Variants in VAMP7 observed in about 807,000 individuals in gnomAD.
The protein encoded by VAMP7 is vesicle associated membrane protein 7.
VAMP7 carries 14 observed loss-of-function variants against 29.6 expected under a neutral mutation model. The ratio of observed to expected loss-of-function variants is 0.47; its 90% confidence interval spans 0.31 to 0.74. The LOEUF is 0.74. Among genes scored for constraint, VAMP7 ranks in the 30% least tolerant of loss-of-function variants. The pLI, the probability that VAMP7 is intolerant of heterozygous loss-of-function variation, is 0.05. For synonymous variants in VAMP7, 95 were observed against 88.1 expected (o/e 1.08, Z -0.44); for missense variants, 223 against 262.4 (o/e 0.85, Z 1.04).
intron 6 of VAMP7, among the ~76,000 whole-genome samples, chrX:155,922,705 A>G (rs1271636212): frequency 6.6e-6 from 1 of 152,028 alleles, no homozygotes; most frequent in Non-Finnish European, 1.5e-5. Flanking sequence ...TGCTGGCCTC[A>G]TTAAACAAGT....
intron 5 of VAMP7, among the ~76,000 whole-genome samples, chrX:155,917,164 T>C (rs2066325149): frequency 6.6e-6 from 1 of 152,214 alleles, no homozygotes; most frequent in South Asian, 2.1e-4. Context: ...TTGATACTTT[T>C]GTATGCTTCA....
chrX:155,916,505 T>C (rs2066315970), intron 5 of VAMP7, among the ~76,000 whole-genome samples: 2 of 152,184 alleles, frequency 1.3e-5, no homozygotes, highest in African/African-American at 4.8e-5. Context: ...GGTTTTTCCT[T>C]TCCATATTTA....
At chrX:155,931,462 T>G (rs944878211) in intron 6 of VAMP7, among the ~76,000 whole-genome samples, 1 of 152,182 alleles carries the variant, frequency 6.6e-6, no homozygotes, top group African/African-American at 2.4e-5. Flanking sequence ...TGATGGCCAG[T>G]GATGATGAGC....
chrX:155,926,658 C>T (rs773536307), intron 6 of VAMP7, among the ~76,000 whole-genome samples: 5 of 152,302 alleles, frequency 3.3e-5, no homozygotes, highest in East Asian at 1.9e-4. Flanking sequence ...CTCCTGATTT[C>T]CTTCAAGAAC....
At chrX:155,906,063 A>T (rs759264825) in intron 5 of VAMP7, among the ~76,000 whole-genome samples, 1 of 152,200 alleles carries the variant, frequency 6.6e-6, no homozygotes, top group Admixed American at 6.6e-5. Context: ...ATTTTTTCCA[A>T]CAATGTTTTG....
chrX:155,892,955 G>A (rs2065942951), intron 2 of VAMP7, among the ~76,000 whole-genome samples: 1 of 151,894 alleles, frequency 6.6e-6, no homozygotes, highest in Non-Finnish European at 1.5e-5. Flanking sequence ...GTTTCACCAT[G>A]TTGGCCAGGC....
chrX:155,901,050 T>C (rs886341663), intron 5 of VAMP7, among the ~76,000 whole-genome samples: 20 of 151,990 alleles, frequency 1.3e-4, no homozygotes, highest in African/African-American at 4.6e-4. Context: ...AAAATGTCAA[T>C]TGGACTGAAC....
intron 5 of VAMP7, among the ~76,000 whole-genome samples, chrX:155,903,779 C>A (rs5983817): frequency 0.62 from 94,699 of 151,820 alleles, 29,743 homozygotes; most frequent in African/African-American, 0.69. Context: ...TAGTTCAACC[C>A]TTGTGGAAGT....
chrX:155,885,030 C>T (rs2065849101), intron 1 of VAMP7, among the ~76,000 whole-genome samples: 1 of 152,188 alleles, frequency 6.6e-6, no homozygotes, highest in Admixed American at 6.5e-5. Flanking sequence ...GACATTTACA[C>T]TGTTATGCCA....
chrX:155,907,911 C>A (rs773738504), intron 5 of VAMP7, among the ~76,000 whole-genome samples: 2 of 150,680 alleles, frequency 1.3e-5, no homozygotes, highest in African/African-American at 4.9e-5. Context: ...CGCTCCTCAC[C>A]TCCCAGAAGG....
chrX:155,887,440 G>A (rs1408617777), intron 1 of VAMP7, among the ~76,000 whole-genome samples: 1 of 152,108 alleles, frequency 6.6e-6, no homozygotes, highest in Non-Finnish European at 1.5e-5. Flanking sequence ...GGGTCGGTCA[G>A]CAGTGTTGAC....
chrX:155,883,381 C>T (rs1034178385), intron 1 of VAMP7, among the ~76,000 whole-genome samples: 1 of 152,168 alleles, frequency 6.6e-6, no homozygotes, highest in Admixed American at 6.5e-5. Context: ...TCTCCCATCT[C>T]TTCCCAAGCA....
chrX:155,919,660 C>G (rs1365113268), intron 5 of VAMP7, among the ~76,000 whole-genome samples, 153 bp from the exon 6 acceptor site: 1 of 152,118 alleles, frequency 6.6e-6, no homozygotes, highest in Non-Finnish European at 1.5e-5. Flanking sequence ...GTGGGCTAGT[C>G]CTTGTTTTCG....
rs1363893411 is a variant in VAMP7 at position 155,896,600 on chromosome X, A to G, written c.204+920A>G. Among the ~76,000 whole-genome samples the G allele has an allele frequency of 2.6e-5, 4 of 152,206 alleles. No individual in the cohort carries two copies. In the East Asian group the frequency reaches 7.7e-4, roughly 29 times the overall value. Reference sequence around the variant, plus strand: ...GTTGCCATTATGGTTTCGTAGAGCTACATACTTATTTATTCATGTCCGGAG... The same window carrying G: ...GTTGCCATTATGGTTTCGTAGAGCTGCATACTTATTTATTCATGTCCGGAG... On this transcript the variant is annotated intron_variant, in intron 3 of 7. Coordinates refer to ENST00000286448, the MANE Select transcript of VAMP7 (RefSeq NM_005638.6).
intron 1 of VAMP7, among the ~76,000 whole-genome samples, chrX:155,884,817 A>G (rs2065847216): frequency 1.3e-5 from 2 of 152,206 alleles, no homozygotes; most frequent in Non-Finnish European, 2.9e-5. Context: ...CCCCTTACTC[A>G]GTTACCTGAA....
rs1306075139 is a variant in VAMP7 at position 155,898,070 on chromosome X, G to A, written c.205-42G>A. 1.9e-6 allele frequency: 3 copies of A among 1,597,292 alleles called. No individual in the cohort carries two copies. In the South Asian group the frequency reaches 3.4e-5, roughly 18 times the overall value. On this transcript the variant is annotated intron_variant, in intron 3 of 7. Coordinates refer to ENST00000286448, the MANE Select transcript of VAMP7 (RefSeq NM_005638.6). The stretch of plus-strand genomic sequence containing the variant: ...GTTCTTAATCACTCACATCATCTTT[G>A]TTTACTTTCTAAATGTGAGTTCTGT...
chrX:155,911,477 GT>G (rs1333607879), intron 5 of VAMP7, among the ~76,000 whole-genome samples: 1 of 151,920 alleles, frequency 6.6e-6, no homozygotes, highest in African/African-American at 2.4e-5. Flanking sequence ...TGTTTTTTCT[GT>G]TTCTGTGAAA....
intron 6 of VAMP7, among the ~76,000 whole-genome samples, chrX:155,930,931 G>T (rs965347176): frequency 4.0e-5 from 6 of 151,870 alleles, no homozygotes; most frequent in Admixed American, 2.6e-4. Flanking sequence ...TCATTGTTCA[G>T]TTCCCACCTA....
intron 1 of VAMP7, among the ~76,000 whole-genome samples, chrX:155,887,641 G>C (rs928664209): frequency 6.6e-6 from 1 of 152,006 alleles, no homozygotes; most frequent in African/African-American, 2.4e-5. Context: ...TGAAGAAACA[G>C]AACAGGGCCA....
Sources: allele counts gnomAD v4.1 joint callset (sites outside exome capture counted in the v4.1 genomes callset), GRCh38; gene constraint gnomAD v4.1.1; transcripts MANE v1.5; gene names NCBI Gene and HGNC (gene_info 2026-07-23, HGNC 2026-07-21).